CACNA1A: variants seen among roughly 807,000 people sequenced by gnomAD.
CACNA1A encodes voltage-dependent P/Q-type calcium channel subunit alpha-1A.
In CACNA1A, 57 loss-of-function variants were observed where a neutral mutation model predicts 262.4. That is an observed-to-expected ratio of 0.22 (90% CI 0.18 to 0.27). The LOEUF (loss-of-function observed/expected upper bound fraction) is 0.27, where lower values mean the gene tolerates loss of function less well. Among genes scored for constraint, CACNA1A ranks in the 10% least tolerant of loss-of-function variants. The pLI, the probability that CACNA1A is intolerant of heterozygous loss-of-function variation, is 1.00. For synonymous variants in CACNA1A, 1,431 were observed against 1,419.3 expected (o/e 1.01, Z -0.18); for missense variants, 2,526 against 3,562.8 (o/e 0.71, Z 7.41).
At chr19:13,365,272 C>T (rs1231551758) in intron 5 of CACNA1A, 45 bp downstream of exon 5, 1 of 1,560,030 alleles carries the variant, frequency 6.4e-7, no homozygotes, top group Non-Finnish European at 8.8e-7. Context: ...GAGCTTGTCC[C>T]TGAAGGAGAA....
chr19:13,468,296 A>T (rs2061291020), intron 1 of CACNA1A, among the ~76,000 whole-genome samples: 1 of 152,092 alleles, frequency 6.6e-6, no homozygotes, highest in African/African-American at 2.4e-5. Flanking sequence ...AGGTCAGTAA[A>T]GTTCTCTAGG....
At chr19:13,505,535 T>C (rs951948666) in intron 1 of CACNA1A, among the ~76,000 whole-genome samples, 11 of 152,056 alleles carry the variant, frequency 7.2e-5, no homozygotes, top group Admixed American at 2.0e-4. Context: ...ATAGTTCCCC[T>C]GCCCTGGCCA....
chr19:13,440,173 G>T lies in CACNA1A; in HGVS notation c.539+12703C>A, dbSNP rs1568646879. 2.0e-5 allele frequency among the ~76,000 whole-genome samples: 3 copies of T among 152,034 alleles called. No homozygotes were observed. The South Asian group carries it at 6.2e-4, about 32-fold the overall frequency. On this transcript the variant is annotated intron_variant, in intron 3 of 46. Coordinates refer to ENST00000360228, the MANE Select transcript of CACNA1A (RefSeq NM_001127222.2). Reference sequence around the variant, plus strand: ...GGGGTCTCACTATGTTGCCCAGTCTGGTCTCAAACTCCTGGGCTTGGCTCA... The same window carrying T: ...GGGGTCTCACTATGTTGCCCAGTCTTGTCTCAAACTCCTGGGCTTGGCTCA...
At chr19:13,355,633 G>A (rs1244951698) in intron 6 of CACNA1A, among the ~76,000 whole-genome samples, 1 of 152,092 alleles carries the variant, frequency 6.6e-6, no homozygotes, top group Non-Finnish European at 1.5e-5. Context: ...CTGGATGGGG[G>A]CTGCTCCTAG....
At chr19:13,271,213 T>G (rs2144811193) in intron 24 of CACNA1A, 1 of 117,892 alleles carries the variant, frequency 8.5e-6, no homozygotes, top group East Asian at 2.6e-4. Flanking sequence ...ATCATTCTGC[T>G]GTTTTTTTTT....
intron 29 of CACNA1A, 29 bp from the exon 30 acceptor site, chr19:13,253,130 G>A: frequency 6.9e-7 from 1 of 1,457,272 alleles, no homozygotes; most frequent in Non-Finnish European, 9.6e-7. Context: ...AGTAGCAGGG[G>A]TCAGCGAGCA....
intron 19 of CACNA1A, among the ~76,000 whole-genome samples, chr19:13,288,242 CT>C (rs200201920): frequency 2.2e-3 from 289 of 133,936 alleles, no homozygotes; most frequent in Non-Finnish European, 3.0e-3. Context: ...TTTCTTTTTT[CT>C]TTTTTTTTTT....
At chr19:13,234,816 G>A (rs560784624) in intron 34 of CACNA1A, 105 bp downstream of exon 34, 2 of 789,052 alleles carry the variant, frequency 2.5e-6, no homozygotes, top group East Asian at 2.5e-5. Flanking sequence ...AGGAGGGCAC[G>A]TCTTGCATTG....
chr19:13,269,164 T>C (rs1475778436), intron 24 of CACNA1A, among the ~76,000 whole-genome samples: 1 of 152,168 alleles, frequency 6.6e-6, no homozygotes. Context: ...ACCCAGCTTC[T>C]TTACGGATGA....
In CACNA1A at chr19:13,303,757, T is replaced by G; in HGVS notation, c.2104+10A>C. 1 of 1,597,426 alleles carries G rather than the reference T, an allele frequency of 6.3e-7. No individual in the cohort carries two copies. Among genetic ancestry groups the G allele is most frequent in the Non-Finnish European group, 8.6e-7 (1 of 1,164,970 alleles). On this transcript the variant is annotated intron_variant, in intron 16 of 46. Coordinates refer to ENST00000360228, the MANE Select transcript of CACNA1A (RefSeq NM_001127222.2). The stretch of plus-strand genomic sequence containing the variant: ...AGGCCTGTCCCCTTCTCTCTCTCCA[T>G]GAAGGATACAGTTCCCAAAGAGCGT...
At chr19:13,391,285 T>C (rs2059706408) in intron 3 of CACNA1A, among the ~76,000 whole-genome samples, 2 of 152,196 alleles carry the variant, frequency 1.3e-5, no homozygotes. Context: ...AGGAAGTCCT[T>C]CTCCCTTCCT....
chr19:13,500,101 T>G (rs1982198334), intron 1 of CACNA1A, among the ~76,000 whole-genome samples: 1 of 152,194 alleles, frequency 6.6e-6, no homozygotes, highest in Non-Finnish European at 1.5e-5. Context: ...ATTGGTCTGA[T>G]AATCTCATGG....
At chr19:13,433,483 A>T (rs907449760) in intron 3 of CACNA1A, among the ~76,000 whole-genome samples, 1 of 140,418 alleles carries the variant, frequency 7.1e-6, no homozygotes, top group African/African-American at 2.6e-5. Flanking sequence ...AAAAAAAAAA[A>T]GTCAGCTGAA....
intron 3 of CACNA1A, among the ~76,000 whole-genome samples, chr19:13,395,100 ACT>A (rs2059786341): frequency 6.9e-6 from 1 of 145,942 alleles, no homozygotes; most frequent in African/African-American, 2.5e-5. Context: ...ATGGCAAAAC[ACT>A]GTCTCTACTA....
At chr19:13,505,226 G>A (rs764962633) in intron 1 of CACNA1A, among the ~76,000 whole-genome samples, 5 of 152,028 alleles carry the variant, frequency 3.3e-5, no homozygotes, top group Non-Finnish European at 5.9e-5. Flanking sequence ...CCCAATCAGC[G>A]GTTAAAGGCA....
chr19:13,267,129 TGAGA>T (rs146993344), intron 24 of CACNA1A, among the ~76,000 whole-genome samples: 1 of 149,280 alleles, frequency 6.7e-6, no homozygotes, highest in Non-Finnish European at 1.5e-5. Flanking sequence ...AGACAGAATA[TGAGA>T]GAGAGAGAGA....
intron 12 of CACNA1A, among the ~76,000 whole-genome samples, chr19:13,311,855 C>CAAAAAATAAAAACA: frequency 6.6e-6 from 1 of 151,930 alleles, no homozygotes; most frequent in African/African-American, 2.4e-5. Context: ...AAAATAAAAA[C>CAAAAAATAAAAACA]AAAAAATAAA....
rs547285115 is a variant in CACNA1A at position 13,331,670 on chromosome 19, A to G, written c.1255+1199T>C. Among the ~76,000 whole-genome samples, 526 of 134,266 alleles carry G rather than the reference A, an allele frequency of 3.9e-3. 2 individuals carry two copies. Among genetic ancestry groups the G allele is most frequent in the African/African-American group, 0.013 (484 of 36,512 alleles). The allele number at this position is 134,266 out of a possible 152,430, so 88.1% of individuals were successfully genotyped here. A position where few individuals can be genotyped will look rare whatever the true frequency, so the allele number is the denominator to read the frequency against. On this transcript the variant is annotated intron_variant, in intron 9 of 46. Transcript: ENST00000360228. ...ACATATTATTCTGGCCTATCTCTAA[A>G]TTCTTTTTTTTTCTTTTGAAACAGG...
At chr19:13,348,833 TCAAAA>T (rs1384544022) in intron 6 of CACNA1A, among the ~76,000 whole-genome samples, 1 of 151,356 alleles carries the variant, frequency 6.6e-6, no homozygotes, top group East Asian at 1.9e-4. Context: ...AGACTCCATC[TCAAAA>T]CAAAACAAAA....
Sources: gnomAD v4.1 joint callset for allele counts (sites outside exome capture counted in the v4.1 genomes callset) on GRCh38, gnomAD v4.1.1 for gene constraint, MANE v1.5 for transcripts, NCBI Gene and HGNC (gene_info 2026-07-23, HGNC 2026-07-21) for gene names.